Variants in SND1 observed in about 807,000 individuals in gnomAD.
The protein encoded by SND1 is staphylococcal nuclease and tudor domain containing 1, also known as staphylococcal nuclease domain-containing protein 1.
Under a neutral mutation model 121.7 loss-of-function variants are expected in SND1, and 38 were observed. The ratio of observed to expected loss-of-function variants is 0.31; its 90% CI spans 0.24 to 0.41. SND1 has a LOEUF of 0.41. SND1 is among the 10% of genes least tolerant of loss of function. The pLI, the probability that SND1 is intolerant of heterozygous loss-of-function variation, is 1.00. For missense variants in SND1, 868 were observed against 1,184.6 expected (o/e 0.73, Z 3.92); for synonymous variants, 401 against 447.4 (o/e 0.90, Z 1.31).
At chr7:127,817,314 A>T (rs897034961) in intron 11 of SND1, among the ~76,000 whole-genome samples, 3 of 152,134 alleles carry the variant, frequency 2.0e-5, no homozygotes, top group Non-Finnish European at 4.4e-5. Context: ...CTGCTGGGTG[A>T]CCTTATGTAT....
intron 16 of SND1, among the ~76,000 whole-genome samples, chr7:128,072,052 G>A (rs1463753323): frequency 6.6e-6 from 1 of 152,214 alleles, no homozygotes. Context: ...GCTGCTCATT[G>A]CTGGGTTCCT....
chr7:127,914,096 G>C (rs1800517861), intron 14 of SND1, among the ~76,000 whole-genome samples: 1 of 152,090 alleles, frequency 6.6e-6, no homozygotes, highest in Non-Finnish European at 1.5e-5. Context: ...TCCTAATACA[G>C]TATCGAATTT....
Position 128,045,584 on chromosome 7 carries a change from T to G in SND1, c.1780-28918T>G, listed in dbSNP as rs74818917. Among the ~76,000 whole-genome samples, 751 of 152,330 alleles carry G rather than the reference T, an allele frequency of 4.9e-3. 7 individuals carry two copies. The highest frequency in any genetic ancestry group is 0.017 in the African/African-American group (717 of 41,566). On this transcript the variant is annotated intron_variant, in intron 16 of 23. Transcript: ENST00000354725. ...CATATGTAACTGTGGTAAAGACTCA[T>G]GGGTCACTTTAGGCTATATGTGTTT...
chr7:128,032,078 C>T (rs1308153149), intron 16 of SND1: 1 of 151,936 alleles, frequency 6.6e-6, no homozygotes, highest in African/African-American at 2.4e-5. Flanking sequence ...GCTCTCTCAT[C>T]CTTTTGTCCT....
intron 10 of SND1, among the ~76,000 whole-genome samples, chr7:127,744,250 C>T (rs551765197): frequency 1.3e-5 from 2 of 150,844 alleles, no homozygotes; most frequent in Admixed American, 6.6e-5. Flanking sequence ...AATTTTTTTC[C>T]CCCCCGTTTC....
At chr7:127,910,291 A>G (rs1446359727) in intron 14 of SND1, among the ~76,000 whole-genome samples, 4 of 152,020 alleles carry the variant, frequency 2.6e-5, no homozygotes, top group African/African-American at 9.7e-5. Context: ...AAATACCAAA[A>G]AAATTAGCCA....
intron 10 of SND1, among the ~76,000 whole-genome samples, chr7:127,753,948 A>T (rs1797148749): frequency 6.6e-6 from 1 of 152,232 alleles, no homozygotes. Flanking sequence ...ATCCCTTCCC[A>T]AAAATTAGCT....
At chr7:127,836,259 T>A (rs1229106918) in intron 11 of SND1, among the ~76,000 whole-genome samples, 1 of 152,196 alleles carries the variant, frequency 6.6e-6, no homozygotes, top group East Asian at 1.9e-4. Flanking sequence ...TCTAAATGTG[T>A]TTATAAAGGT....
intron 10 of SND1, among the ~76,000 whole-genome samples, chr7:127,806,788 A>G (rs1158009642): frequency 6.6e-6 from 1 of 152,094 alleles, no homozygotes; most frequent in East Asian, 1.9e-4. Flanking sequence ...GTGAAACCCC[A>G]TCTCTACTAA....
intron 13 of SND1, among the ~76,000 whole-genome samples, chr7:127,892,979 GT>G (rs1195697293): frequency 6.6e-6 from 1 of 151,942 alleles, no homozygotes; most frequent in African/African-American, 2.4e-5. Flanking sequence ...TCCTCTTTTT[GT>G]TTTAGTGTTT....
chr7:127,839,209 G>A (rs10235633), intron 11 of SND1, among the ~76,000 whole-genome samples: 1,766 of 152,270 alleles, frequency 0.012, 28 homozygotes, highest in African/African-American at 0.04. Context: ...TTAGGGGTGC[G>A]TAGAGGCTTT....
chr7:127,876,397 A>G (rs1799690859), intron 12 of SND1, among the ~76,000 whole-genome samples: 1 of 152,110 alleles, frequency 6.6e-6, no homozygotes, highest in African/African-American at 2.4e-5. Flanking sequence ...AGAGAATCGA[A>G]AAGAAAATGT....
chr7:127,990,729 A>G (rs982960214), intron 15 of SND1, among the ~76,000 whole-genome samples: 1 of 152,184 alleles, frequency 6.6e-6, no homozygotes, highest in Non-Finnish European at 1.5e-5. Flanking sequence ...GAGAGCTCCT[A>G]TCCATTGGTG....
chr7:127,872,519 G>A (rs1461259669), intron 12 of SND1, among the ~76,000 whole-genome samples: 1 of 151,904 alleles, frequency 6.6e-6, no homozygotes, highest in African/African-American at 2.4e-5. Context: ...GTTTTGTTGT[G>A]CTCTTCTCAC....
At chr7:127,894,602 A>C (rs1800080811) in intron 13 of SND1, among the ~76,000 whole-genome samples, 1 of 152,132 alleles carries the variant, frequency 6.6e-6, no homozygotes, top group South Asian at 2.1e-4. Flanking sequence ...TGATAAGAAA[A>C]TTTCATTTCT....
chr7:127,799,380 T>G (rs1253282206), intron 10 of SND1, among the ~76,000 whole-genome samples: 1 of 152,234 alleles, frequency 6.6e-6, no homozygotes, highest in African/African-American at 2.4e-5. Flanking sequence ...CAGGTAGGAC[T>G]GCTATCAGCA....
intron 12 of SND1, among the ~76,000 whole-genome samples, chr7:127,871,513 A>G (rs1160630910): frequency 6.6e-6 from 1 of 152,198 alleles, no homozygotes; most frequent in Non-Finnish European, 1.5e-5. Flanking sequence ...CCACCTGCGT[A>G]TATGTGCTCC....
intron 16 of SND1, among the ~76,000 whole-genome samples, chr7:128,054,172 C>T (rs1286253692): frequency 1.3e-5 from 2 of 152,208 alleles, no homozygotes; most frequent in Non-Finnish European, 2.9e-5. Context: ...CTTACTTATG[C>T]AGACCTCTGT....
At chr7:127,692,960 G>T (rs911704402) in intron 2 of SND1, among the ~76,000 whole-genome samples, 1 of 152,192 alleles carries the variant, frequency 6.6e-6, no homozygotes, top group Admixed American at 6.5e-5. Context: ...ATTTTCCTGT[G>T]AACTGACCTT....
Sources: allele counts gnomAD v4.1 joint callset (sites outside exome capture counted in the v4.1 genomes callset), GRCh38; gene constraint gnomAD v4.1.1; transcripts MANE v1.5; gene names NCBI Gene and HGNC (gene_info 2026-07-23, HGNC 2026-07-21).